Variants in TNNI3K observed in about 807,000 individuals in gnomAD.
The protein encoded by TNNI3K is TNNI3 interacting kinase, also known as serine/threonine-protein kinase TNNI3K.
A neutral mutation model predicts 114.5 loss-of-function variants in TNNI3K; 140 were observed. The observed-to-expected ratio is 1.22, with a 90% CI of 1.07 to 1.41. The LOEUF (loss-of-function observed/expected upper bound fraction) is 1.41, where lower values mean the gene tolerates loss of function less well. TNNI3K is among the 40% of genes most tolerant of loss of function. The probability of loss-of-function intolerance (pLI) is 0.00; values close to 1 mark genes in which losing one functional copy is unlikely to be tolerated. For missense variants in TNNI3K, 1,125 were observed against 1,007.6 expected (o/e 1.12, Z -1.58); for synonymous variants, 347 against 347.5 (o/e 1.00, Z 0.02).
chr1:74,393,563 A>G (rs1016145108), intron 17 of TNNI3K, among the ~76,000 whole-genome samples: 12 of 152,200 alleles, frequency 7.9e-5, no homozygotes, highest in African/African-American at 2.9e-4. Flanking sequence ...CTAAACACAC[A>G]AGCCAGTTTG....
rs185824639 is a variant in TNNI3K at position 74,460,302 on chromosome 1, C to T, written c.2012-3139C>T. On this transcript the variant is annotated intron_variant, in intron 20 of 24. Coordinates refer to ENST00000326637, the MANE Select transcript of TNNI3K (RefSeq NM_015978.3). ...CAGGATGGTCTCAATCTCCTGACCTCGTGATCTGCCGCCTCGGCCTCCCAA... is the reference window on the plus strand; with the variant it reads ...CAGGATGGTCTCAATCTCCTGACCTTGTGATCTGCCGCCTCGGCCTCCCAA... Among the ~76,000 whole-genome samples the T allele has an allele frequency of 1.3e-3, 195 of 151,998 alleles. 1 individual carries two copies. The highest frequency in any genetic ancestry group is 3.4e-3 in the Middle Eastern group (1 of 294).
At chr1:74,499,625 C>G (rs560332153) in intron 23 of TNNI3K, among the ~76,000 whole-genome samples, 1 of 151,826 alleles carries the variant, frequency 6.6e-6, no homozygotes, top group Non-Finnish European at 1.5e-5. Flanking sequence ...GGAATATATC[C>G]CTGGTAGATA....
chr1:74,343,196 G>A lies in TNNI3K; in HGVS notation c.932+17G>A, dbSNP rs201713799. ...TTTTCATAGGTAAAAGAATATTTAAGTGCAATAGCCACTAAACTTAGCTGA... is the reference window on the plus strand; with the variant it reads ...TTTTCATAGGTAAAAGAATATTTAAATGCAATAGCCACTAAACTTAGCTGA... On this transcript the variant is annotated intron_variant, in intron 9 of 24. Coordinates refer to ENST00000326637, the MANE Select transcript of TNNI3K (RefSeq NM_015978.3). The A allele has an allele frequency of 4.2e-5, 67 of 1,597,410 alleles. No homozygotes were observed. In the African/African-American group the frequency reaches 7.4e-4, roughly 18 times the overall value.
chr1:74,419,721 A>C (rs1665303308), intron 17 of TNNI3K, among the ~76,000 whole-genome samples: 1 of 152,126 alleles, frequency 6.6e-6, no homozygotes, highest in Admixed American at 6.6e-5. Context: ...AAAAGTTTCC[A>C]TCTAGTTCTC....
chr1:74,407,830 C>A (rs1178422980), intron 17 of TNNI3K, among the ~76,000 whole-genome samples: 2 of 152,074 alleles, frequency 1.3e-5, no homozygotes, highest in Non-Finnish European at 2.9e-5. Flanking sequence ...AAGGGGATAC[C>A]ACTTATGATG....
chr1:74,430,460 A>G (rs528080245), intron 17 of TNNI3K, among the ~76,000 whole-genome samples: 1 of 152,114 alleles, frequency 6.6e-6, no homozygotes, highest in African/African-American at 2.4e-5. Context: ...CAACACACAC[A>G]CATATGCACA....
At chr1:74,313,183 A>ATTGAGTGAG (rs1659096838) in intron 5 of TNNI3K, among the ~76,000 whole-genome samples, 2 of 152,134 alleles carry the variant, frequency 1.3e-5, no homozygotes, top group South Asian at 4.1e-4. Flanking sequence ...TACAGGCATT[A>ATTGAGTGAG]TCTCTTTGGG....
chr1:74,328,231 T>C (rs1185099549), intron 5 of TNNI3K, among the ~76,000 whole-genome samples: 1 of 152,160 alleles, frequency 6.6e-6, no homozygotes, highest in Non-Finnish European at 1.5e-5. Context: ...CTACCTACCA[T>C]AGTAGGGAAC....
At chr1:74,404,540 T>G (rs1022126277) in intron 17 of TNNI3K, among the ~76,000 whole-genome samples, 1 of 152,158 alleles carries the variant, frequency 6.6e-6, no homozygotes, top group Non-Finnish European at 1.5e-5. Context: ...GGACAGATTG[T>G]TAAAGCACTG....
intron 4 of TNNI3K, 35 bp downstream of exon 4, chr1:74,250,804 G>T: frequency 2.2e-6 from 3 of 1,347,934 alleles, no homozygotes; most frequent in South Asian, 1.3e-5. Context: ...CACTGCATTG[G>T]AACTAAGGAT....
At chr1:74,541,250 T>C (rs1464747086) in intron 24 of TNNI3K, among the ~76,000 whole-genome samples, 1 of 152,218 alleles carries the variant, frequency 6.6e-6, no homozygotes, top group East Asian at 1.9e-4. Flanking sequence ...TCACCTCATC[T>C]GCAGAGACTC....
At chr1:74,352,976 C>T (rs553236272) in intron 9 of TNNI3K, among the ~76,000 whole-genome samples, 10 of 152,054 alleles carry the variant, frequency 6.6e-5, no homozygotes, top group Middle Eastern at 3.4e-3. Flanking sequence ...CCCACTGTCC[C>T]GCACTCCCCA....
chr1:74,329,828 C>G (rs1438737758), intron 5 of TNNI3K, among the ~76,000 whole-genome samples: 1 of 152,134 alleles, frequency 6.6e-6, no homozygotes, highest in South Asian at 2.1e-4. Flanking sequence ...CAGTCCCTCC[C>G]TAGTTCTGTA....
At chr1:74,404,992 A>G (rs1664547292) in intron 17 of TNNI3K, among the ~76,000 whole-genome samples, 1 of 152,204 alleles carries the variant, frequency 6.6e-6, no homozygotes, top group Non-Finnish European at 1.5e-5. Context: ...ATTATTTTTA[A>G]GAAGTTTACA....
At chr1:74,324,055 A>G (rs1057240497) in intron 5 of TNNI3K, among the ~76,000 whole-genome samples, 2 of 152,220 alleles carry the variant, frequency 1.3e-5, no homozygotes, top group Admixed American at 1.3e-4. Flanking sequence ...AAAAGGTCAT[A>G]ATTTGGTCTT....
chr1:74,242,847 C>T (rs1305428557), intron 2 of TNNI3K, among the ~76,000 whole-genome samples: 1 of 152,040 alleles, frequency 6.6e-6, no homozygotes, highest in Non-Finnish European at 1.5e-5. Flanking sequence ...CTCAATCTCT[C>T]TCTGCCTCTC....
chr1:74,327,604 T>C (rs1011412795), intron 5 of TNNI3K, among the ~76,000 whole-genome samples: 5 of 145,306 alleles, frequency 3.4e-5, no homozygotes, highest in African/African-American at 1.2e-4. Flanking sequence ...TATTATATAT[T>C]ACTATTATAT....
intron 2 of TNNI3K, among the ~76,000 whole-genome samples, chr1:74,245,707 T>A (rs989879605): frequency 6.6e-5 from 10 of 152,172 alleles, no homozygotes; most frequent in African/African-American, 1.4e-4. Flanking sequence ...AGTGCTATTC[T>A]CCAGGGTACT....
intron 17 of TNNI3K, among the ~76,000 whole-genome samples, chr1:74,435,109 A>C (rs904429193): frequency 6.6e-6 from 1 of 152,174 alleles, no homozygotes; most frequent in East Asian, 1.9e-4. Flanking sequence ...TTACAAGCCA[A>C]ATGTAAAATG....
Sources: gnomAD v4.1 joint callset for allele counts (sites outside exome capture counted in the v4.1 genomes callset) on GRCh38, gnomAD v4.1.1 for gene constraint, MANE v1.5 for transcripts, NCBI Gene and HGNC (gene_info 2026-07-23, HGNC 2026-07-21) for gene names.